The following CNTN5 variants were observed in gnomAD, a reference collection of about 807,000 sequenced individuals.
The protein encoded by CNTN5 is contactin 5, also known as contactin-5.
A neutral mutation model predicts 129.1 loss-of-function variants in CNTN5; 77 were observed. The ratio of observed to expected loss-of-function variants is 0.60; its 90% confidence interval spans 0.50 to 0.72. The LOEUF (loss-of-function observed/expected upper bound fraction) is 0.72, where lower values mean the gene tolerates loss of function less well. CNTN5 is among the 30% of genes least tolerant of loss of function. CNTN5 has a pLI of 0.00. For missense variants in CNTN5, 1,478 were observed against 1,328.8 expected (o/e 1.11, Z -1.75); for synonymous variants, 509 against 465.6 (o/e 1.09, Z -1.20).
chr11:99,784,290 C>A (rs1591169422), intron 3 of CNTN5, among the ~76,000 whole-genome samples: 1 of 152,016 alleles, frequency 6.6e-6, no homozygotes, highest in Admixed American at 6.6e-5. Flanking sequence ...CTAATGCTAT[C>A]CCTCCCTTAG....
At chr11:99,833,617 ATAT>A (rs1947214122) in intron 4 of CNTN5, among the ~76,000 whole-genome samples, 1 of 152,182 alleles carries the variant, frequency 6.6e-6, no homozygotes, top group Non-Finnish European at 1.5e-5. Context: ...TTGAATTATA[ATAT>A]TTTAAATTTA....
At chr11:99,035,047 C>A (rs879833970) in intron 1 of CNTN5, among the ~76,000 whole-genome samples, 4 of 150,088 alleles carry the variant, frequency 2.7e-5, no homozygotes, top group Non-Finnish European at 4.5e-5. Flanking sequence ...CATTCAGGAG[C>A]AGGTTGTTCA....
chr11:100,236,465 T>C (rs921126253), intron 16 of CNTN5, among the ~76,000 whole-genome samples: 5 of 152,202 alleles, frequency 3.3e-5, no homozygotes, highest in Non-Finnish European at 7.4e-5. Flanking sequence ...GTTTCCCCTT[T>C]TTACATTGGG....
At chr11:100,306,757 A>G (rs1951359193) in intron 20 of CNTN5, among the ~76,000 whole-genome samples, 1 of 151,694 alleles carries the variant, frequency 6.6e-6, no homozygotes, top group Non-Finnish European at 1.5e-5. Context: ...TTTTTCCAGA[A>G]TGCATGTTTT....
intron 13 of CNTN5, among the ~76,000 whole-genome samples, chr11:100,161,874 A>AC (rs1565302482): frequency 1.6e-5 from 1 of 61,150 alleles, no homozygotes; most frequent in African/African-American, 7.1e-5. Context: ...CACACACACA[A>AC]AACAAAAAAC....
chr11:99,971,039 A>G (rs1392600188), intron 8 of CNTN5, among the ~76,000 whole-genome samples: 1 of 152,222 alleles, frequency 6.6e-6, no homozygotes, highest in African/African-American at 2.4e-5. Flanking sequence ...AAAGCCTACC[A>G]TATAATAAGC....
chr11:99,961,220 A>AAAAAC (rs1555167390), intron 8 of CNTN5, among the ~76,000 whole-genome samples: 3 of 88,212 alleles, frequency 3.4e-5, no homozygotes, highest in African/African-American at 8.3e-5. Context: ...AAAAAAAAAA[A>AAAAAC]AAAAACAGTA....
intron 3 of CNTN5, among the ~76,000 whole-genome samples, chr11:99,583,123 T>A (rs1486867404): frequency 6.6e-6 from 1 of 152,224 alleles, no homozygotes; most frequent in Non-Finnish European, 1.5e-5. Flanking sequence ...TCAGCAGCGC[T>A]GGCTGCAGAA....
At chr11:99,030,472 A>T (rs887405950) in intron 1 of CNTN5, among the ~76,000 whole-genome samples, 1 of 152,092 alleles carries the variant, frequency 6.6e-6, no homozygotes, top group African/African-American at 2.4e-5. Context: ...GCTCATTTTG[A>T]CAGTGATTAC....
chr11:99,077,736 T>G (rs775894358), intron 1 of CNTN5, among the ~76,000 whole-genome samples: 2 of 152,134 alleles, frequency 1.3e-5, no homozygotes, highest in Admixed American at 6.5e-5. Context: ...GTTCTGTTAG[T>G]GAATCAGTTC....
intron 13 of CNTN5, among the ~76,000 whole-genome samples, chr11:100,115,324 TA>T (rs1945809337): frequency 6.6e-6 from 1 of 152,072 alleles, no homozygotes; most frequent in Non-Finnish European, 1.5e-5. Context: ...AGGAGTAAGA[TA>T]TTATTTGTAT....
rs188467836 is a variant in CNTN5, at chr11:100,120,963, G to A, written c.1580+46669G>A. On this transcript the variant is annotated intron_variant, in intron 13 of 24. Coordinates refer to ENST00000524871, the MANE Select transcript of CNTN5 (RefSeq NM_014361.4). ...CATTTTATTTTTCCAGTACTGTAGG[G>A]GTGAAAGTAAAGCATCCCCTTCGCC... Among the ~76,000 whole-genome samples the A allele has an allele frequency of 6.5e-3, 985 of 151,586 alleles. 4 individuals carry two copies. The highest frequency in any genetic ancestry group is 0.01 in the Non-Finnish European group (688 of 67,864).
intron 1 of CNTN5, among the ~76,000 whole-genome samples, chr11:99,251,972 G>C (rs552665392): frequency 6.6e-6 from 1 of 152,024 alleles, no homozygotes; most frequent in South Asian, 2.1e-4. Context: ...ACTTCTATAT[G>C]TAACTTTGAT....
At chr11:100,051,378 A>G (rs1942945662) in intron 9 of CNTN5, among the ~76,000 whole-genome samples, 1 of 152,084 alleles carries the variant, frequency 6.6e-6, no homozygotes, top group Non-Finnish European at 1.5e-5. Context: ...GAAATTCAAA[A>G]CACACATCTA....
At chr11:100,337,634 A>T in intron 21 of CNTN5, 1 of 688,282 alleles carries the variant, frequency 1.5e-6, no homozygotes, top group Middle Eastern at 3.8e-4. Flanking sequence ...AACGGGAACT[A>T]ATTGGGTACC....
intron 3 of CNTN5, among the ~76,000 whole-genome samples, chr11:99,592,578 T>C (rs371237278): frequency 1.3e-5 from 2 of 151,986 alleles, no homozygotes; most frequent in Non-Finnish European, 2.9e-5. Context: ...CTGGACATCA[T>C]GAGTAGAGAA....
At chr11:99,651,122 C>G (rs1004065779) in intron 3 of CNTN5, among the ~76,000 whole-genome samples, 1 of 151,844 alleles carries the variant, frequency 6.6e-6, no homozygotes, top group Non-Finnish European at 1.5e-5. Flanking sequence ...AGGAAAGTTG[C>G]TTAGCATAAA....
At chr11:99,617,297 T>C (rs1950791822) in intron 3 of CNTN5, among the ~76,000 whole-genome samples, 1 of 152,174 alleles carries the variant, frequency 6.6e-6, no homozygotes, top group Admixed American at 6.5e-5. Flanking sequence ...GTGTAAGTTA[T>C]TATTGAAGGG....
chr11:100,128,962 G>A (rs1946288907), intron 13 of CNTN5, among the ~76,000 whole-genome samples: 1 of 151,800 alleles, frequency 6.6e-6, no homozygotes, highest in Non-Finnish European at 1.5e-5. Flanking sequence ...TATATCACTC[G>A]CTACTATTTC....
Sources: allele counts gnomAD v4.1 joint callset (sites outside exome capture counted in the v4.1 genomes callset), GRCh38; gene constraint gnomAD v4.1.1; transcripts MANE v1.5; gene names NCBI Gene and HGNC (gene_info 2026-07-23, HGNC 2026-07-21).